The following IST1 variants were observed in gnomAD, a reference collection of about 807,000 sequenced individuals.
The protein encoded by IST1 is IST1 factor associated with ESCRT-III.
IST1 carries 23 observed loss-of-function variants against 37.0 expected under a neutral mutation model. The observed-to-expected ratio is 0.62, with a 90% CI of 0.45 to 0.88. The LOEUF is 0.88. IST1 is among the 40% of genes least tolerant of loss of function. IST1 has a pLI of 0.00. For synonymous variants in IST1, 180 were observed against 161.7 expected (o/e 1.11, Z -0.86); for missense variants, 488 against 445.4 (o/e 1.10, Z -0.86).
chr16:71,920,867 G>A, intron 5 of IST1, 45 bp downstream of exon 5: 1 of 1,371,478 alleles, frequency 7.3e-7, no homozygotes, highest in Non-Finnish European at 1.0e-6. Context: ...TGTGGGAGCA[G>A]TTTATTGTAC....
At chr16:71,905,402 C>CAG (rs58257869) in intron 1 of IST1, among the ~76,000 whole-genome samples, 119,600 of 149,428 alleles carry the variant, frequency 0.8, 48,165 homozygotes, top group East Asian at 0.98. Flanking sequence ...TTTTTTGAGA[C>CAG]AGTTTCACTC....
In IST1 at chr16:71,923,361, C is replaced by T. The variant is rs927837298; in HGVS notation, c.833C>T (p.Thr278Ile). The T allele has an allele frequency of 6.2e-7, 1 of 1,607,798 alleles. No individual in the cohort carries two copies. The highest frequency in any genetic ancestry group is 1.3e-5 in the African/African-American group (1 of 74,774). The change falls in exon 8 of 10, where the codon ACT becomes ATT. Residue 278 changes from threonine (T) to isoleucine (I), a missense_variant. Thr to Ile is a moderately conservative substitution (Grantham distance 89). This residue lies in a region of IST1 where 455 missense variants were observed against 386.2 expected (regional missense o/e 1.18). Coordinates refer to ENST00000378799, the MANE Select transcript of IST1 (RefSeq NM_001270975.2). Reference protein sequence around the residue: ...PNIHPPQIPATPPSYESVDDI... With the variant: ...PNIHPPQIPAIPPSYESVDDI... Reference sequence around the variant, plus strand: ...ATTCATCCACCTCAGATACCAGCAACTCCCCCATCGTATGAATCTGTAAGT... The same window carrying T: ...ATTCATCCACCTCAGATACCAGCAATTCCCCCATCGTATGAATCTGTAAGT...
chr16:71,897,707 A>G (rs1031628231), intron 1 of IST1, among the ~76,000 whole-genome samples: 23 of 152,144 alleles, frequency 1.5e-4, no homozygotes, highest in Admixed American at 4.6e-4. Context: ...GCACTTTGGG[A>G]GGCCGAGGCG....
At position 71,923,321 on chromosome 16, in the gene IST1, C is replaced by A. The variant is rs755933219; in HGVS notation, c.793C>A (p.Gln265Lys). ...DFNGLPMGTY[Q>K]AFPNIHPPQI... ...CAATGGACTGCCAATGGGGACTTAT[C>A]AGGCCTTTCCCAATATTCATCCACC... The change falls in exon 8 of 10, where the codon CAG (glutamine) becomes AAG (lysine). Residue 265 changes from glutamine to lysine, a missense_variant. By Grantham distance (53) the Gln-to-Lys change is moderately conservative. Around this residue, in one of 2 missense-constraint regions of IST1, gnomAD observed 455 missense variants for 386.2 expected, o/e 1.18. Transcript: ENST00000378799. 5 of 1,612,300 alleles carry A rather than the reference C, an allele frequency of 3.1e-6. No individual in the cohort carries two copies. In the Admixed American group the frequency reaches 8.3e-5, roughly 27 times the overall value.
chr16:71,925,370 G>A (rs1257467293), intron 9 of IST1, among the ~76,000 whole-genome samples: 4 of 146,544 alleles, frequency 2.7e-5, no homozygotes, highest in Admixed American at 6.9e-5. Context: ...AGGCTGGAGT[G>A]TGGTGGCACA....
intron 1 of IST1, among the ~76,000 whole-genome samples, chr16:71,913,226 C>G (rs1248514681): frequency 6.6e-6 from 1 of 151,794 alleles, no homozygotes; most frequent in Non-Finnish European, 1.5e-5. Context: ...ATCCCACCAA[C>G]AGTGCACAAG....
chr16:71,909,021 G>T (rs1450404047), intron 1 of IST1, among the ~76,000 whole-genome samples: 3 of 148,412 alleles, frequency 2.0e-5, no homozygotes, highest in Non-Finnish European at 3.0e-5. Flanking sequence ...GACCATCCAT[G>T]TTGCTTTAAG....
intron 2 of IST1, among the ~76,000 whole-genome samples, chr16:71,916,220 CTGT>C (rs1220246861): frequency 1.3e-5 from 2 of 152,206 alleles, no homozygotes; most frequent in Admixed American, 1.3e-4. Flanking sequence ...GGGACATACT[CTGT>C]TGTTGTGGCA....
chr16:71,927,634 G>A lies in IST1; in HGVS notation c.922G>A (p.Ala308Thr), dbSNP rs751903485. 1.2e-6 allele frequency: 2 copies of A among 1,613,822 alleles called. No individual in the cohort carries two copies. The highest frequency in any genetic ancestry group is 1.7e-6 in the Non-Finnish European group (2 of 1,179,768). Residue 308 changes from alanine (A) to threonine (T), a missense_variant, in exon 10 of 10, where the codon GCC becomes ACC. This residue lies in a region of IST1 where 455 missense variants were observed against 386.2 expected (regional missense o/e 1.18). Coordinates refer to ENST00000378799, the MANE Select transcript of IST1 (RefSeq NM_001270975.2). ...QIVGPGPKPE[A>T]SAKLPSRPAD... ...ATTAGGTCCTGGACCCAAGCCAGAA[G>A]CCTCTGCAAAGCTTCCTTCCAGACC...
At chr16:71,917,913 A>T (rs1053325754) in intron 4 of IST1, among the ~76,000 whole-genome samples, 1 of 151,408 alleles carries the variant, frequency 6.6e-6, no homozygotes, top group African/African-American at 2.4e-5. Context: ...CATTTTTCCT[A>T]TTTCTTAGTT....
rs550039650 is a variant in IST1, at chr16:71,912,692, G to T, written c.-15-2934G>T. Among the ~76,000 whole-genome samples the T allele has an allele frequency of 3.3e-5, 5 of 152,218 alleles. No homozygotes were observed. The South Asian group carries it at 1.0e-3, about 32-fold the overall frequency. ...TTCAGTAGTGTGTACTCACATCGTT[G>T]TGCAACAGATCTCCATAAACTTTCA... On this transcript the variant is annotated intron_variant, in intron 1 of 9. Coordinates refer to ENST00000378799, the MANE Select transcript of IST1 (RefSeq NM_001270975.2).
chr16:71,914,800 T>C (rs1307268392), intron 1 of IST1, among the ~76,000 whole-genome samples: 1 of 152,246 alleles, frequency 6.6e-6, no homozygotes, highest in Non-Finnish European at 1.5e-5. Flanking sequence ...CTATCTTTTG[T>C]TTGGATATTA....
intron 1 of IST1, among the ~76,000 whole-genome samples, chr16:71,914,798 T>A (rs540158632): frequency 6.8e-4 from 103 of 152,352 alleles, no homozygotes; most frequent in South Asian, 1.4e-3. Flanking sequence ...ACCTATCTTT[T>A]GTTTGGATAT....
At position 71,929,584 on chromosome 16, in the gene IST1, G is replaced by T; in HGVS notation, c.*1771G>T. On this transcript the variant is annotated 3_prime_UTR_variant, in exon 10 of 10. Transcript: ENST00000378799. ...TTCAGTGTCACTGCCCACTGCTGTC[G>T]TGGCTGCTTGCTCAGATGAGGTTTT... The T allele has an allele frequency of 6.4e-7, 1 of 1,551,734 alleles. No individual in the cohort carries two copies. Among genetic ancestry groups the T allele is most frequent in the Non-Finnish European group, 8.7e-7 (1 of 1,146,998 alleles).
intron 9 of IST1, 32 bp from the exon 10 acceptor site, chr16:71,927,582 A>G (rs372277879): frequency 1.4e-6 from 2 of 1,476,662 alleles, no homozygotes; most frequent in African/African-American, 1.4e-5. Flanking sequence ...TTTCTCTGGT[A>G]TTTGTAACGT....
chr16:71,927,970 C>T lies in IST1; in HGVS notation c.*157C>T. On this transcript the variant is annotated 3_prime_UTR_variant, in exon 10 of 10. Transcript: ENST00000378799. ...CTTCCTGCTCCTCCAGATTCTGCTGCTTTCCAGTTCTCTGTTGATCCTGAG... is the reference window on the plus strand; with the variant it reads ...CTTCCTGCTCCTCCAGATTCTGCTGTTTTCCAGTTCTCTGTTGATCCTGAG... 1 of 615,942 alleles carries T rather than the reference C, an allele frequency of 1.6e-6. No individual in the cohort carries two copies. Among genetic ancestry groups the T allele is most frequent in the Non-Finnish European group, 2.9e-6 (1 of 347,496 alleles). The allele number at this position is 615,942 out of a possible 1,614,324, so 38.2% of individuals were successfully genotyped here.
chr16:71,898,089 C>T (rs577630258), intron 1 of IST1, among the ~76,000 whole-genome samples: 9 of 149,894 alleles, frequency 6.0e-5, no homozygotes, highest in African/African-American at 2.2e-4. Flanking sequence ...TAAGAAAAAC[C>T]CTTGGCCAGG....
chr16:71,921,329 C>G lies in IST1; in HGVS notation c.442-14C>G, dbSNP rs1378102830. The G allele has an allele frequency of 1.3e-6, 2 of 1,550,544 alleles. No individual in the cohort carries two copies. On this transcript the variant is annotated splice_polypyrimidine_tract_variant and intron_variant, in intron 5 of 9. Transcript: ENST00000378799. ...GTATACATGCATCTTAGCCCTGGGTCTTTTTACTTACAGCTAATGCACAAG... is the reference window on the plus strand; with the variant it reads ...GTATACATGCATCTTAGCCCTGGGTGTTTTTACTTACAGCTAATGCACAAG...
rs28523974 is a variant in IST1 at position 71,929,584 on chromosome 16, G to A, written c.*1771G>A. ...TTCAGTGTCACTGCCCACTGCTGTCGTGGCTGCTTGCTCAGATGAGGTTTT... is the reference window on the plus strand; with the variant it reads ...TTCAGTGTCACTGCCCACTGCTGTCATGGCTGCTTGCTCAGATGAGGTTTT... On this transcript the variant is annotated 3_prime_UTR_variant, in exon 10 of 10. Coordinates refer to ENST00000378799, the MANE Select transcript of IST1 (RefSeq NM_001270975.2). 7.6e-3 allele frequency: 11,855 copies of A among 1,551,714 alleles called. 802 individuals are homozygous for A. The African/African-American group carries it at 0.14, about 19-fold the overall frequency.
Sources: gnomAD v4.1 joint callset for allele counts (sites outside exome capture counted in the v4.1 genomes callset) on GRCh38, gnomAD v4.1.1 for gene constraint, gnomAD v4.1.1 regional missense constraint, MANE v1.5 for transcripts, NCBI Gene and HGNC (gene_info 2026-07-23, HGNC 2026-07-21) for gene names.